Variants in ATP2C1 observed in about 807,000 individuals in gnomAD.
ATP2C1 encodes the protein ATPase secretory pathway Ca2+ transporting 1, also known as calcium-transporting ATPase type 2C member 1.
ATP2C1 carries 31 observed loss-of-function variants against 120.5 expected under a neutral mutation model. That is an observed-to-expected ratio of 0.26 (90% CI 0.19 to 0.35). The LOEUF (loss-of-function observed/expected upper bound fraction) is 0.35. ATP2C1 is among the 10% of genes least tolerant of loss of function. The pLI is 1.00. For missense variants in ATP2C1, 731 were observed against 1,107.5 expected, an observed-to-expected ratio of 0.66 and a Z score of 4.83; for synonymous variants, 351 against 358.7, an observed-to-expected ratio of 0.98 and a Z score of 0.24.
intron 1 of ATP2C1, among the ~76,000 whole-genome samples, chr3:130,863,875 C>T (rs985753634): frequency 6.6e-6 from 1 of 152,166 alleles, no homozygotes; most frequent in Non-Finnish European, 1.5e-5. Flanking sequence ...AAATGTAAGT[C>T]CAATTAAACC....
chr3:131,000,183 G>A (rs959573541), intron 27 of ATP2C1, among the ~76,000 whole-genome samples: 5 of 152,064 alleles, frequency 3.3e-5, no homozygotes, highest in African/African-American at 1.2e-4. Flanking sequence ...ATAATACAGT[G>A]CATTTAAAAA....
chr3:130,906,928 C>T (rs1047921040), intron 2 of ATP2C1, among the ~76,000 whole-genome samples: 2 of 151,850 alleles, frequency 1.3e-5, no homozygotes, highest in African/African-American at 4.8e-5. Flanking sequence ...GTAGATTTTG[C>T]GATAAGTTAG....
intron 1 of ATP2C1, among the ~76,000 whole-genome samples, chr3:130,881,628 A>G (rs1449530943): frequency 6.6e-6 from 1 of 152,204 alleles, no homozygotes; most frequent in African/African-American, 2.4e-5. Flanking sequence ...ATTGCATTCA[A>G]TCAGTAGATT....
chr3:130,948,063 TTATA>T (rs2060222185), intron 8 of ATP2C1, among the ~76,000 whole-genome samples: 1 of 152,146 alleles, frequency 6.6e-6, no homozygotes, highest in African/African-American at 2.4e-5. Context: ...ATAAGTTTAA[TTATA>T]TAGGAAGCAA....
At chr3:130,924,197 C>G (rs1028438889) in intron 2 of ATP2C1, among the ~76,000 whole-genome samples, 1 of 150,498 alleles carries the variant, frequency 6.6e-6, no homozygotes, top group Non-Finnish European at 1.5e-5. Context: ...GAGATATATG[C>G]TTTAAGGAAG....
At chr3:130,888,080 G>A (rs779737602) in intron 1 of ATP2C1, among the ~76,000 whole-genome samples, 31 of 152,090 alleles carry the variant, frequency 2.0e-4, no homozygotes, top group Admixed American at 7.9e-4. Flanking sequence ...CCTTCCCTTC[G>A]AGGCAGCGGT....
intron 1 of ATP2C1, among the ~76,000 whole-genome samples, chr3:130,884,249 A>T (rs1370657319): frequency 2.0e-5 from 3 of 152,128 alleles, no homozygotes; most frequent in Non-Finnish European, 2.9e-5. Context: ...TCTCCTTCTT[A>T]ATTTCTTCAT....
chr3:130,991,635 G>A (rs1401625327), intron 20 of ATP2C1, among the ~76,000 whole-genome samples: 3 of 152,136 alleles, frequency 2.0e-5, no homozygotes, highest in Non-Finnish European at 4.4e-5. Context: ...TTATATGGAA[G>A]GGACAACATG....
chr3:130,998,256 A>G lies in ATP2C1; in HGVS notation c.2392-38A>G, dbSNP rs200274435. On this transcript the variant is annotated intron_variant, in intron 25 of 27. Coordinates refer to ENST00000510168, the MANE Select transcript of ATP2C1 (RefSeq NM_001378687.1). Reference sequence around the variant, plus strand: ...AAGCAGCGATTTATCCATTAAATTCAGCCACTGAAAAGTAATTTTGTTATT... The same window carrying G: ...AAGCAGCGATTTATCCATTAAATTCGGCCACTGAAAAGTAATTTTGTTATT... 1,486 of 1,322,956 alleles carry G rather than the reference A, an allele frequency of 1.1e-3. 2 individuals carry two copies. Among genetic ancestry groups the G allele is most frequent in the South Asian group, 1.8e-3 (156 of 85,344 alleles). 82.0% of individuals were successfully genotyped at this position (1,322,956 alleles called of 1,614,324 possible). A position where few individuals can be genotyped will look rare whatever the true frequency, so the allele number is the denominator to read the frequency against.
intron 6 of ATP2C1, among the ~76,000 whole-genome samples, chr3:130,939,954 G>T (rs1435482253): frequency 6.6e-6 from 1 of 152,220 alleles, no homozygotes; most frequent in Non-Finnish European, 1.5e-5. Context: ...TAGCAGTGAT[G>T]TGTGATGCAA....
At chr3:130,911,762 A>C (rs1342797238) in intron 2 of ATP2C1, among the ~76,000 whole-genome samples, 3 of 151,036 alleles carry the variant, frequency 2.0e-5, no homozygotes, top group Non-Finnish European at 4.4e-5. Flanking sequence ...TTTAAAGTTC[A>C]TATGGAACCA....
chr3:130,921,079 C>CTTTTTT (rs1170193033), intron 2 of ATP2C1, among the ~76,000 whole-genome samples: 54 of 128,550 alleles, frequency 4.2e-4, no homozygotes, highest in African/African-American at 1.1e-3. Flanking sequence ...AGTTTTCTTT[C>CTTTTTT]TTTTTTTTTT....
chr3:131,000,077 A>G (rs1156804500), intron 27 of ATP2C1, among the ~76,000 whole-genome samples: 4 of 152,206 alleles, frequency 2.6e-5, no homozygotes, highest in Admixed American at 1.3e-4. Context: ...TGTACATTCT[A>G]ATTTCACAAA....
At chr3:130,941,532 A>C in intron 7 of ATP2C1, 59 bp from the exon 8 acceptor site, 1 of 1,415,334 alleles carries the variant, frequency 7.1e-7, no homozygotes, top group Non-Finnish European at 1.0e-6. Flanking sequence ...ATAATTTTTT[A>C]AGACAAGTTG....
intron 6 of ATP2C1, among the ~76,000 whole-genome samples, chr3:130,939,519 A>T (rs2059806598): frequency 6.6e-6 from 1 of 152,154 alleles, no homozygotes; most frequent in African/African-American, 2.4e-5. Flanking sequence ...TATCTTTATA[A>T]TTGTAGGGAG....
intron 4 of ATP2C1, among the ~76,000 whole-genome samples, chr3:130,932,388 T>A (rs2059487437): frequency 6.6e-6 from 1 of 152,136 alleles, no homozygotes; most frequent in Non-Finnish European, 1.5e-5. Context: ...GACAGTAGTG[T>A]CCTTTGCTGA....
chr3:130,984,281 ATTG>A (rs1310952883), intron 20 of ATP2C1, among the ~76,000 whole-genome samples: 1 of 152,022 alleles, frequency 6.6e-6, no homozygotes, highest in Non-Finnish European at 1.5e-5. Flanking sequence ...TATTATTATT[ATTG>A]TTATTATTTT....
rs9848778 is a variant in ATP2C1, at chr3:130,859,110, T to C, written c.108+8182T>C. On this transcript the variant is annotated intron_variant, in intron 1 of 26. Transcript: ENST00000504381. ...AGGTTCCAGCTCTGATATTCTAGTATAATAGGCAATAGAGAGATGAACAAT... is the reference window on the plus strand; with the variant it reads ...AGGTTCCAGCTCTGATATTCTAGTACAATAGGCAATAGAGAGATGAACAAT... Among the ~76,000 whole-genome samples, 1,389 of 152,326 alleles carry C rather than the reference T, an allele frequency of 9.1e-3. 7 individuals carry two copies. The highest frequency in any genetic ancestry group is 0.011 in the Non-Finnish European group (768 of 68,034).
At chr3:130,890,196 C>A (rs2069124152), upstream of ATP2C1, among the ~76,000 whole-genome samples, 1 of 152,110 alleles carries the variant, frequency 6.6e-6, no homozygotes, top group Non-Finnish European at 1.5e-5. Flanking sequence ...TAAATGGATA[C>A]CTTTGTATCT....
Sources: gnomAD v4.1 joint callset for allele counts (sites outside exome capture counted in the v4.1 genomes callset) on GRCh38, gnomAD v4.1.1 for gene constraint, MANE v1.5 for transcripts, NCBI Gene and HGNC (gene_info 2026-07-23, HGNC 2026-07-21) for gene names.